Variants in PRKAG2 observed in about 807,000 individuals in gnomAD.
PRKAG2 encodes the protein protein kinase AMP-activated non-catalytic subunit gamma 2, also known as 5'-AMP-activated protein kinase subunit gamma-2.
In PRKAG2, 26 loss-of-function variants were observed where a neutral mutation model predicts 69.6. The observed-to-expected ratio is 0.37, with a 90% CI of 0.27 to 0.52. The LOEUF is 0.52. Ranked by LOEUF, PRKAG2 falls within the 20% of genes least tolerant of loss-of-function variation. PRKAG2 has a pLI of 0.90. For missense variants in PRKAG2, 557 were observed against 740.0 expected, an observed-to-expected ratio of 0.75 and a Z score of 2.87; for synonymous variants, 293 against 285.0, an observed-to-expected ratio of 1.03 and a Z score of -0.28.
At chr7:151,612,644 A>G (rs1819141203) in intron 5 of PRKAG2, among the ~76,000 whole-genome samples, 1 of 152,204 alleles carries the variant, frequency 6.6e-6, no homozygotes, top group South Asian at 2.1e-4. Context: ...GGTTGTCACC[A>G]GTCCAGGGGT....
intron 1 of PRKAG2, among the ~76,000 whole-genome samples, chr7:151,801,795 G>A (rs780940862): frequency 2.6e-5 from 4 of 152,220 alleles, no homozygotes; most frequent in Admixed American, 6.5e-5. Context: ...CAGCTGCTGC[G>A]CCAGCTGGGA....
chr7:151,857,094 T>A (rs1445111218), intron 1 of PRKAG2, among the ~76,000 whole-genome samples: 1 of 142,924 alleles, frequency 7.0e-6, no homozygotes, highest in Admixed American at 7.1e-5. Flanking sequence ...CTAAGACCCA[T>A]CTATTTGCAA....
chr7:151,704,757 G>A (rs1038893938), intron 3 of PRKAG2, among the ~76,000 whole-genome samples: 3 of 152,168 alleles, frequency 2.0e-5, no homozygotes, highest in South Asian at 2.1e-4. Context: ...GGCACCTACC[G>A]GGTGGGGATT....
chr7:151,558,718 C>A, intron 15 of PRKAG2: 2 of 985,428 alleles, frequency 2.0e-6, no homozygotes, highest in Non-Finnish European at 2.4e-6. Flanking sequence ...CTACCCCCAT[C>A]TTCACGGCAC....
chr7:151,636,828 C>T (rs1483219351), intron 4 of PRKAG2, among the ~76,000 whole-genome samples: 1 of 152,156 alleles, frequency 6.6e-6, no homozygotes, highest in African/African-American at 2.4e-5. Flanking sequence ...CCTCAGCCTC[C>T]CGAGTAGCTG....
intron 1 of PRKAG2, among the ~76,000 whole-genome samples, chr7:151,808,044 G>A (rs1034352291): frequency 2.6e-5 from 4 of 152,124 alleles, no homozygotes; most frequent in Non-Finnish European, 5.9e-5. Flanking sequence ...GCAAGACGAC[G>A]GCAGATATTT....
At position 151,560,625 on chromosome 7, in the gene PRKAG2, G is replaced by A; in HGVS notation, c.1585-8C>T. On this transcript the variant is annotated splice_polypyrimidine_tract_variant and splice_region_variant and intron_variant, in intron 14 of 15. Transcript: ENST00000287878. ...CACCACCAGCCGATGGACCTGCAAA[G>A]AGAAAAGCAGGACACGTGAAAATTA... The A allele has an allele frequency of 6.2e-7, 1 of 1,613,968 alleles. No individual in the cohort carries two copies. The highest frequency in any genetic ancestry group is 1.1e-5 in the South Asian group (1 of 91,066).
intron 3 of PRKAG2, among the ~76,000 whole-genome samples, chr7:151,754,171 C>T (rs560039802): frequency 6.6e-6 from 1 of 152,338 alleles, no homozygotes; most frequent in Admixed American, 6.5e-5. Context: ...GAGATTCTTC[C>T]GGGAATTTTT....
intron 1 of PRKAG2, among the ~76,000 whole-genome samples, chr7:151,873,724 A>G (rs1383532409): frequency 6.6e-6 from 1 of 152,246 alleles, no homozygotes; most frequent in Non-Finnish European, 1.5e-5. Flanking sequence ...GAGGACCCCA[A>G]CTATAACATG....
intron 1 of PRKAG2, among the ~76,000 whole-genome samples, chr7:151,829,659 G>A (rs1431158700): frequency 1.3e-5 from 2 of 151,874 alleles, no homozygotes; most frequent in Admixed American, 6.6e-5. Flanking sequence ...AACAGAACAC[G>A]GTATATTCAT....
intron 6 of PRKAG2, among the ~76,000 whole-genome samples, chr7:151,594,686 A>G (rs368933734): frequency 4.4e-4 from 67 of 152,368 alleles, no homozygotes; most frequent in African/African-American, 1.6e-3. Context: ...ACAGTTTAAT[A>G]ATGAACAGCT....
chr7:151,724,712 G>T (rs1405754362), intron 3 of PRKAG2, among the ~76,000 whole-genome samples: 3 of 152,086 alleles, frequency 2.0e-5, no homozygotes, highest in Admixed American at 1.3e-4. Context: ...CTCCCTAGCC[G>T]GAGCAGCCGC....
chr7:151,624,755 C>T (rs1822457259), intron 5 of PRKAG2, among the ~76,000 whole-genome samples: 1 of 152,234 alleles, frequency 6.6e-6, no homozygotes, highest in South Asian at 2.1e-4. Context: ...CCTTTCACAC[C>T]TCCAGGGTTC....
chr7:151,689,913 G>C (rs1835398098), intron 3 of PRKAG2, among the ~76,000 whole-genome samples: 1 of 152,200 alleles, frequency 6.6e-6, no homozygotes, highest in South Asian at 2.1e-4. Flanking sequence ...TGAAGGGAGA[G>C]GCAGGGATCG....
chr7:151,812,259 C>T (rs2078459362), intron 1 of PRKAG2, among the ~76,000 whole-genome samples: 2 of 152,074 alleles, frequency 1.3e-5, no homozygotes, highest in South Asian at 2.1e-4. Flanking sequence ...CAGGCATTCA[C>T]CTTCATTAGG....
At chr7:151,630,539 C>A (rs556479171) in intron 5 of PRKAG2, among the ~76,000 whole-genome samples, 2 of 152,160 alleles carry the variant, frequency 1.3e-5, no homozygotes, top group African/African-American at 4.8e-5. Flanking sequence ...ATGAGAAAAC[C>A]AAGGCACAGA....
chr7:151,745,224 C>A (rs1001417749), intron 3 of PRKAG2, among the ~76,000 whole-genome samples: 1 of 152,232 alleles, frequency 6.6e-6, no homozygotes, highest in African/African-American at 2.4e-5. Context: ...CGGCTGCGTT[C>A]CAAACCACAT....
At chr7:151,672,022 CT>C (rs1237478124) in intron 4 of PRKAG2, among the ~76,000 whole-genome samples, 2,150 of 141,036 alleles carry the variant, frequency 0.015, 12 homozygotes, top group Non-Finnish European at 0.022. Flanking sequence ...ACCATTTGAA[CT>C]TTTTTTTTTT....
At chr7:151,834,946 G>A (rs2079114944) in intron 1 of PRKAG2, among the ~76,000 whole-genome samples, 1 of 152,016 alleles carries the variant, frequency 6.6e-6, no homozygotes, top group Non-Finnish European at 1.5e-5. Flanking sequence ...GGGGTTTCCT[G>A]GCTTGTAGAA....
Sources: gnomAD v4.1 joint callset for allele counts (sites outside exome capture counted in the v4.1 genomes callset) on GRCh38, gnomAD v4.1.1 for gene constraint, MANE v1.5 for transcripts, NCBI Gene and HGNC (gene_info 2026-07-23, HGNC 2026-07-21) for gene names.